Variants in DLG2 observed in about 807,000 individuals in gnomAD.
DLG2 encodes the protein disks large homolog 2.
In DLG2, 45 loss-of-function variants were observed where a neutral mutation model predicts 132.5. The observed-to-expected ratio is 0.34, with a 90% CI of 0.27 to 0.44. DLG2 has a LOEUF of 0.44. Among genes scored for constraint, DLG2 ranks in the 20% least tolerant of loss-of-function variants. DLG2 has a pLI of 1.00. For synonymous variants in DLG2, 424 were observed against 419.6 expected (o/e 1.01, Z -0.13); for missense variants, 1,045 against 1,196.9 (o/e 0.87, Z 1.87).
intron 6 of DLG2, among the ~76,000 whole-genome samples, chr11:85,040,464 A>T (rs943102198): frequency 6.6e-6 from 1 of 151,962 alleles, no homozygotes; most frequent in Non-Finnish European, 1.5e-5. Flanking sequence ...AACAAAATGA[A>T]TGATCTTGCC....
At chr11:84,042,224 T>C (rs78183098) in intron 11 of DLG2, among the ~76,000 whole-genome samples, 3,400 of 151,994 alleles carry the variant, frequency 0.022, 68 homozygotes, top group Middle Eastern at 0.034. Context: ...AATTGCCAAC[T>C]ATATTATAAA....
intron 19 of DLG2, among the ~76,000 whole-genome samples, chr11:83,542,479 G>C (rs762152950): frequency 6.6e-6 from 1 of 152,164 alleles, no homozygotes; most frequent in African/African-American, 2.4e-5. Context: ...CTATGCGTAT[G>C]TGTGTGTATG....
intron 6 of DLG2, among the ~76,000 whole-genome samples, chr11:84,673,083 C>T (rs1040311186): frequency 7.9e-5 from 12 of 152,064 alleles, no homozygotes; most frequent in African/African-American, 1.4e-4. Flanking sequence ...ATGACCCACT[C>T]ACCTCCCACC....
chr11:85,497,934 A>G (rs1461151532), intron 3 of DLG2, among the ~76,000 whole-genome samples: 1 of 152,250 alleles, frequency 6.6e-6, no homozygotes, highest in Non-Finnish European at 1.5e-5. Flanking sequence ...AGGAAGCACC[A>G]AACATGGATA....
chr11:84,089,733 C>CT (rs546070682), intron 10 of DLG2, among the ~76,000 whole-genome samples: 36 of 151,772 alleles, frequency 2.4e-4, no homozygotes, highest in African/African-American at 6.3e-4. Context: ...AAGAAAACTT[C>CT]TTTTTTTTTA....
intron 19 of DLG2, among the ~76,000 whole-genome samples, chr11:83,604,466 C>CT (rs2059028928): frequency 2.0e-5 from 3 of 152,246 alleles, no homozygotes; most frequent in Non-Finnish European, 2.9e-5. Context: ...TCCTCACCTG[C>CT]TTTTTTCTGA....
intron 4 of DLG2, among the ~76,000 whole-genome samples, chr11:85,272,887 TACTGGTACCAAAACAGAGATATAG>T (rs1223839419): frequency 6.6e-6 from 1 of 152,182 alleles, no homozygotes; most frequent in Non-Finnish European, 1.5e-5. Context: ...AACAGCATGG[TACTGGTACCAAAACAGAGATATAG>T]ACCAATGAAA....
intron 7 of DLG2, among the ~76,000 whole-genome samples, chr11:84,400,151 G>T (rs2098824599): frequency 6.6e-6 from 1 of 152,152 alleles, no homozygotes; most frequent in Non-Finnish European, 1.5e-5. Context: ...AAAAATATAA[G>T]CCCCCAGTTA....
intron 6 of DLG2, among the ~76,000 whole-genome samples, chr11:84,730,306 G>T (rs1487159165): frequency 1.3e-5 from 2 of 151,850 alleles, no homozygotes. Context: ...TCTGTCACAG[G>T]GTTCCTATGA....
chr11:84,697,033 G>A (rs2058691186), intron 6 of DLG2, among the ~76,000 whole-genome samples: 1 of 151,290 alleles, frequency 6.6e-6, no homozygotes, highest in Non-Finnish European at 1.5e-5. Context: ...GGAAATAGAG[G>A]AGTTAACAAT....
At chr11:84,444,158 T>C (rs518248) in intron 7 of DLG2, among the ~76,000 whole-genome samples, 65,064 of 151,910 alleles carry the variant, frequency 0.43, 19,444 homozygotes, top group African/African-American at 0.85. Flanking sequence ...GGGAGCTGAA[T>C]GATGAGAACA....
chr11:84,596,576 T>C lies in DLG2; in HGVS notation c.358-61845A>G, dbSNP rs1030840686. 5.3e-5 allele frequency among the ~76,000 whole-genome samples: 8 copies of C among 151,988 alleles called. No individual in the cohort carries two copies. In the East Asian group the frequency reaches 1.4e-3, roughly 26 times the overall value. ...TGGAATTTCAGTGGCAAATACCAGC[T>C]CAAGGTAATGAAGGCATTTCTAACA... On this transcript the variant is annotated intron_variant, in intron 6 of 27. Coordinates refer to ENST00000376104, the MANE Select transcript of DLG2 (RefSeq NM_001142699.3).
chr11:83,963,038 A>C lies in DLG2; in HGVS notation c.1202-15T>G. ...TGGAGAATAAGCTAAGAGGTGGGGG[A>C]AAAAGAGAAAAGAAACCTGTTATGT... On this transcript the variant is annotated splice_polypyrimidine_tract_variant and intron_variant, in intron 13 of 27. Coordinates refer to ENST00000376104, the MANE Select transcript of DLG2 (RefSeq NM_001142699.3). 3 of 1,610,804 alleles carry C rather than the reference A, an allele frequency of 1.9e-6. No homozygotes were observed. Among genetic ancestry groups the C allele is most frequent in the Admixed American group, 1.7e-5 (1 of 59,874 alleles).
intron 6 of DLG2, among the ~76,000 whole-genome samples, chr11:84,586,998 G>C (rs1397695497): frequency 2.0e-5 from 3 of 152,070 alleles, no homozygotes; most frequent in Non-Finnish European, 2.9e-5. Flanking sequence ...CTTTTTTGCA[G>C]ACACTTGAAT....
chr11:85,128,975 C>T (rs916488298), intron 5 of DLG2, among the ~76,000 whole-genome samples: 1 of 152,144 alleles, frequency 6.6e-6, no homozygotes, highest in African/African-American at 2.4e-5. Flanking sequence ...GTAATATATC[C>T]TTTTCGAAGA....
At chr11:83,665,579 A>G (rs1168988440) in intron 18 of DLG2, among the ~76,000 whole-genome samples, 2 of 152,352 alleles carry the variant, frequency 1.3e-5, no homozygotes, top group East Asian at 1.9e-4. Context: ...AGCAAGCTCA[A>G]AGGAAGAGAG....
At chr11:83,951,455 C>A (rs1251024926) in intron 14 of DLG2, among the ~76,000 whole-genome samples, 1 of 151,984 alleles carries the variant, frequency 6.6e-6, no homozygotes, top group Non-Finnish European at 1.5e-5. Flanking sequence ...GAACACAGGA[C>A]GAAAGGGTGA....
chr11:85,130,311 C>T (rs1029869039), intron 5 of DLG2, among the ~76,000 whole-genome samples: 17 of 152,078 alleles, frequency 1.1e-4, no homozygotes, highest in African/African-American at 3.9e-4. Context: ...AATCTTCTTA[C>T]AATCTTTAGG....
intron 7 of DLG2, among the ~76,000 whole-genome samples, chr11:84,400,742 C>T (rs1163154211): frequency 6.6e-6 from 1 of 152,086 alleles, no homozygotes; most frequent in Non-Finnish European, 1.5e-5. Context: ...AAAATACAGA[C>T]TAGACAGCAG....
Sources: gnomAD v4.1 joint callset for allele counts (sites outside exome capture counted in the v4.1 genomes callset) on GRCh38, gnomAD v4.1.1 for gene constraint, MANE v1.5 for transcripts, NCBI Gene and HGNC (gene_info 2026-07-23, HGNC 2026-07-21) for gene names.